The following STPG2 variants were observed in gnomAD, a reference collection of about 807,000 sequenced individuals.
The protein encoded by STPG2 is sperm-tail PG-rich repeat-containing protein 2.
STPG2 carries 56 observed loss-of-function variants against 54.2 expected under a neutral mutation model. That is an observed-to-expected ratio of 1.03 (90% confidence interval 0.83 to 1.29). The LOEUF is 1.29. Among genes scored for constraint, STPG2 ranks in the 50% most tolerant of loss-of-function variants. The pLI is 0.00. For synonymous variants in STPG2, 200 were observed against 181.8 expected (o/e 1.10, Z -0.81); for missense variants, 596 against 544.9 (o/e 1.09, Z -0.93).
At chr4:97,754,208 C>T (rs994265563) in intron 9 of STPG2, among the ~76,000 whole-genome samples, 1 of 152,056 alleles carries the variant, frequency 6.6e-6, no homozygotes, top group Non-Finnish European at 1.5e-5. Flanking sequence ...AAGTTCCACA[C>T]CACCAAGCTA....
chr4:97,474,406 T>A (rs1315213022), intron 4 of STPG2, among the ~76,000 whole-genome samples: 1 of 152,168 alleles, frequency 6.6e-6, no homozygotes, highest in Non-Finnish European at 1.5e-5. Context: ...TAGTAAGGAT[T>A]CCTGTGGGAT....
At chr4:97,531,945 A>T (rs903849524) in intron 4 of STPG2, among the ~76,000 whole-genome samples, 1 of 152,240 alleles carries the variant, frequency 6.6e-6, no homozygotes, top group South Asian at 2.1e-4. Flanking sequence ...GTTATTACAC[A>T]TAAAATGCCT....
At chr4:97,795,172 T>C (rs369017736) in intron 9 of STPG2, among the ~76,000 whole-genome samples, 11 of 152,128 alleles carry the variant, frequency 7.2e-5, no homozygotes, top group East Asian at 3.9e-4. Context: ...AAAACACATG[T>C]GTTTCTACTT....
At chr4:97,696,816 A>C (rs149832622) in intron 10 of STPG2, among the ~76,000 whole-genome samples, 4 of 152,314 alleles carry the variant, frequency 2.6e-5, no homozygotes, top group African/African-American at 9.6e-5. Flanking sequence ...AATCCAAATC[A>C]AACCCACAAT....
chr4:97,660,055 T>A (rs1429222201), intron 10 of STPG2, among the ~76,000 whole-genome samples: 52 of 150,912 alleles, frequency 3.4e-4, no homozygotes, highest in Admixed American at 3.4e-3. Context: ...CAGGCTGGAG[T>A]GCAGTGGCGC....
At chr4:97,658,164 A>C (rs2148959016) in intron 10 of STPG2, among the ~76,000 whole-genome samples, 1 of 152,336 alleles carries the variant, frequency 6.6e-6, no homozygotes, top group Non-Finnish European at 1.5e-5. Flanking sequence ...CAAGTGATAA[A>C]GAAACTGAAG....
chr4:97,783,891 C>T (rs572851381), intron 9 of STPG2, among the ~76,000 whole-genome samples: 14 of 151,290 alleles, frequency 9.3e-5, no homozygotes, highest in Non-Finnish European at 1.3e-4. Context: ...ACACAGGAAG[C>T]GGAACATCAC....
chr4:97,782,825 G>A (rs1480926408), intron 9 of STPG2, among the ~76,000 whole-genome samples: 1 of 152,142 alleles, frequency 6.6e-6, no homozygotes, highest in East Asian at 1.9e-4. Context: ...AACAAGAAAT[G>A]GGGAAAGGAT....
intron 5 of STPG2, among the ~76,000 whole-genome samples, chr4:98,079,047 G>A (rs1738258739): frequency 6.6e-6 from 1 of 151,968 alleles, no homozygotes; most frequent in Admixed American, 6.6e-5. Flanking sequence ...ATTTATGATT[G>A]GCCCATGCCT....
At chr4:97,706,425 GC>G (rs1723943323) in intron 10 of STPG2, among the ~76,000 whole-genome samples, 1 of 152,132 alleles carries the variant, frequency 6.6e-6, no homozygotes, top group Non-Finnish European at 1.5e-5. Context: ...GAGCTCCTTT[GC>G]CCTTCTGCCA....
At chr4:97,801,024 A>G (rs1012111765) in intron 9 of STPG2, among the ~76,000 whole-genome samples, 3 of 152,154 alleles carry the variant, frequency 2.0e-5, no homozygotes, top group Non-Finnish European at 4.4e-5. Flanking sequence ...TGCTAAGACC[A>G]TTGTAAAATT....
chr4:97,911,865 T>G (rs922483432), intron 8 of STPG2, among the ~76,000 whole-genome samples: 2 of 151,882 alleles, frequency 1.3e-5, no homozygotes, highest in African/African-American at 2.4e-5. Flanking sequence ...AGCAGGTCCC[T>G]AATCCCGTTC....
chr4:97,886,838 G>T (rs1013638702), intron 8 of STPG2, among the ~76,000 whole-genome samples: 1 of 152,182 alleles, frequency 6.6e-6, no homozygotes, highest in Non-Finnish European at 1.5e-5. Flanking sequence ...GTGGTTGCTC[G>T]TGAACGCTTT....
chr4:97,796,220 C>G (rs1276375879), intron 9 of STPG2, among the ~76,000 whole-genome samples: 2 of 152,166 alleles, frequency 1.3e-5, no homozygotes, highest in Non-Finnish European at 2.9e-5. Flanking sequence ...TCCCATTTGT[C>G]AATTTTGGCT....
chr4:97,904,001 A>T (rs1731287623), intron 8 of STPG2, among the ~76,000 whole-genome samples: 1 of 152,202 alleles, frequency 6.6e-6, no homozygotes, highest in Non-Finnish European at 1.5e-5. Flanking sequence ...ATCAAACTGC[A>T]AGGCAGCAGC....
chr4:98,061,385 C>T (rs1437312769), intron 5 of STPG2, among the ~76,000 whole-genome samples: 1 of 152,086 alleles, frequency 6.6e-6, no homozygotes, highest in African/African-American at 2.4e-5. Flanking sequence ...CTTCACACTG[C>T]AGAGCAGGAG....
At chr4:97,722,965 T>TG (rs1491129116) in intron 9 of STPG2, among the ~76,000 whole-genome samples, 8 of 22,818 alleles carry the variant, frequency 3.5e-4, no homozygotes, top group African/African-American at 1.7e-3. Context: ...ACCCGGCTAA[T>TG]TTTTTTTTTT....
intron 8 of STPG2, among the ~76,000 whole-genome samples, chr4:97,941,614 T>A (rs1578714303): frequency 6.6e-6 from 1 of 152,094 alleles, no homozygotes; most frequent in East Asian, 1.9e-4. Context: ...ATATTTTTTA[T>A]GCAAAGATAC....
chr4:97,949,459 G>A (rs956556727), intron 7 of STPG2, among the ~76,000 whole-genome samples: 1 of 152,026 alleles, frequency 6.6e-6, no homozygotes, highest in Non-Finnish European at 1.5e-5. Context: ...CATGTGAATT[G>A]TTACTTACTT....
Sources: allele counts gnomAD v4.1 joint callset (sites outside exome capture counted in the v4.1 genomes callset), GRCh38; gene constraint gnomAD v4.1.1; transcripts MANE v1.5; gene names NCBI Gene and HGNC (gene_info 2026-07-23, HGNC 2026-07-21).